Variants in IL1RAPL1 observed in about 807,000 individuals in gnomAD.
The protein encoded by IL1RAPL1 is interleukin-1 receptor accessory protein-like 1.
In IL1RAPL1, 3 loss-of-function variants were observed where a neutral mutation model predicts 48.4. That is an observed-to-expected ratio of 0.06 (90% CI 0.03 to 0.16). IL1RAPL1 has a LOEUF of 0.16. Among genes scored for constraint, IL1RAPL1 ranks in the 10% least tolerant of loss-of-function variants. The pLI is 1.00. For synonymous variants in IL1RAPL1, 185 were observed against 187.7 expected, an observed-to-expected ratio of 0.99 and a Z score of 0.12; for missense variants, 349 against 530.6, an observed-to-expected ratio of 0.66 and a Z score of 3.36.
At chrX:29,925,513 T>C (rs910470814) in intron 8 of IL1RAPL1, among the ~76,000 whole-genome samples, 5 of 96,864 alleles carry the variant, frequency 5.2e-5, no homozygotes, top group Non-Finnish European at 8.1e-5. Context: ...ATACTAATGA[T>C]TTTGTACCTC....
At chrX:29,389,349 C>T (rs1289094852) in intron 3 of IL1RAPL1, among the ~76,000 whole-genome samples, 3 of 72,526 alleles carry the variant, frequency 4.1e-5, no homozygotes, top group Non-Finnish European at 7.9e-5. Flanking sequence ...GAGCGAGACT[C>T]CATCTCAAAA....
At chrX:29,836,773 T>C (rs143742253) in intron 6 of IL1RAPL1, among the ~76,000 whole-genome samples, 346 of 111,302 alleles carry the variant, frequency 3.1e-3, no homozygotes, top group African/African-American at 0.011. Flanking sequence ...ATTGTTTAAG[T>C]TTTGCAATGA....
intron 6 of IL1RAPL1, among the ~76,000 whole-genome samples, chrX:29,836,815 G>A (rs151120611): frequency 0.02 from 2,226 of 110,640 alleles, 25 homozygotes; most frequent in Non-Finnish European, 0.034. Flanking sequence ...ATTACTCCCC[G>A]TCACCAGTGA....
rs757087278 is a variant in IL1RAPL1 at position 29,668,413 on chromosome X, T to C, written c.704-17T>C. 1 of 1,167,176 alleles carries C rather than the reference T, an allele frequency of 8.6e-7. No individual in the cohort carries two copies. The highest frequency in any genetic ancestry group is 1.2e-6 in the Non-Finnish European group (1 of 855,087). ...ATAACTATAAGTCTCTGTATTATTA[T>C]TGTTGTTGTTTTTCAGCCCCTCTGA... On this transcript the variant is annotated splice_polypyrimidine_tract_variant and intron_variant, in intron 5 of 10. Coordinates refer to ENST00000378993, the MANE Select transcript of IL1RAPL1 (RefSeq NM_014271.4).
intron 2 of IL1RAPL1, among the ~76,000 whole-genome samples, chrX:28,831,026 C>CTCTCTCTGTGTG (rs1438889606): frequency 3.0e-5 from 1 of 33,643 alleles, no homozygotes; most frequent in Non-Finnish European, 4.9e-5. Flanking sequence ...CTCTCTCTCT[C>CTCTCTCTGTGTG]TGTGTGTGTG....
intron 1 of IL1RAPL1, among the ~76,000 whole-genome samples, chrX:28,687,785 A>C (rs78245024): frequency 9.9e-6 from 1 of 101,429 alleles, no homozygotes; most frequent in Non-Finnish European, 2.0e-5. Context: ...CCGTCTCAGA[A>C]AAAAAAAAAA....
chrX:29,046,031 T>TCC (rs1926962524), intron 2 of IL1RAPL1, among the ~76,000 whole-genome samples: 5 of 91,973 alleles, frequency 5.4e-5, no homozygotes, highest in Non-Finnish European at 1.0e-4. Flanking sequence ...CTTCCTCTTC[T>TCC]TCTCCTCCTC....
At position 29,263,103 on chromosome X, in the gene IL1RAPL1, C is replaced by T. The variant is rs765044866; in HGVS notation, c.83-19835C>T. ...GTCCCTTCTTCTGTTATCAGTGGTC[C>T]CACAATATTTGTTTATATCACCATT... On this transcript the variant is annotated intron_variant, in intron 2 of 10. Transcript: ENST00000378993. Among the ~76,000 whole-genome samples the T allele has an allele frequency of 4.5e-5, 5 of 111,249 alleles. No individual in the cohort carries two copies. In the East Asian group the frequency reaches 1.4e-3, roughly 31 times the overall value.
intron 1 of IL1RAPL1, among the ~76,000 whole-genome samples, chrX:28,660,707 T>C (rs1934812004): frequency 9.0e-6 from 1 of 111,625 alleles, no homozygotes; most frequent in African/African-American, 3.3e-5. Context: ...TGATGAGTGA[T>C]CCTAACTATT....
chrX:29,565,284 T>C lies in IL1RAPL1; in HGVS notation c.704-103146T>C, dbSNP rs747733067. 7.0e-4 allele frequency among the ~76,000 whole-genome samples: 77 copies of C among 109,630 alleles called. 1 individual carries two copies. Among genetic ancestry groups the C allele is most frequent in the Non-Finnish European group, 6.8e-4 (36 of 52,700 alleles). ...TGGACAAGTGATTAGAAAATAATTATATTCATGGTTGCTCAAGATATAAAG... is the reference window on the plus strand; with the variant it reads ...TGGACAAGTGATTAGAAAATAATTACATTCATGGTTGCTCAAGATATAAAG... On this transcript the variant is annotated intron_variant, in intron 5 of 10. Coordinates refer to ENST00000378993, the MANE Select transcript of IL1RAPL1 (RefSeq NM_014271.4).
chrX:29,907,204 TTTTTCC>T (rs2147231166), intron 6 of IL1RAPL1, among the ~76,000 whole-genome samples: 1 of 111,348 alleles, frequency 9.0e-6, no homozygotes, highest in South Asian at 3.7e-4. Flanking sequence ...TTTAAAATTA[TTTTTCC>T]TTTTTAATTG....
chrX:29,377,566 C>A (rs921991530), intron 3 of IL1RAPL1, among the ~76,000 whole-genome samples: 3 of 112,077 alleles, frequency 2.7e-5, no homozygotes, highest in Non-Finnish European at 5.6e-5. Context: ...AAAACTAATT[C>A]CCTCAGCATT....
intron 2 of IL1RAPL1, among the ~76,000 whole-genome samples, chrX:29,080,726 T>C (rs1927783460): frequency 9.2e-6 from 1 of 108,882 alleles, no homozygotes; most frequent in Non-Finnish European, 1.9e-5. Context: ...CTCTAATTAT[T>C]ATTCTTCCAA....
intron 1 of IL1RAPL1, among the ~76,000 whole-genome samples, chrX:28,606,461 C>G (rs888596156): frequency 8.1e-5 from 9 of 111,732 alleles, no homozygotes; most frequent in African/African-American, 2.9e-4. Context: ...AATATCTTCT[C>G]TAGGTATACA....
At chrX:29,236,536 TTTTTTTTTC>T (rs1299138507) in intron 2 of IL1RAPL1, among the ~76,000 whole-genome samples, 5 of 45,490 alleles carry the variant, frequency 1.1e-4, no homozygotes, top group African/African-American at 5.8e-4. Flanking sequence ...TTTCTTTTTC[TTTTTTTTTC>T]TTTTTTTTTT....
At chrX:28,987,717 A>T (rs1373209464) in intron 2 of IL1RAPL1, among the ~76,000 whole-genome samples, 1 of 112,063 alleles carries the variant, frequency 8.9e-6, no homozygotes, top group African/African-American at 3.2e-5. Flanking sequence ...CAGAAATCTT[A>T]TGTAGGAGGA....
intron 5 of IL1RAPL1, among the ~76,000 whole-genome samples, chrX:29,653,710 C>A (rs1925585700): frequency 9.1e-6 from 1 of 110,339 alleles, no homozygotes; most frequent in Non-Finnish European, 1.9e-5. Context: ...AGTGTTGAAG[C>A]TACTTGAAAT....
chrX:29,000,117 A>G lies in IL1RAPL1; in HGVS notation c.82+210692A>G, dbSNP rs747148649. ...CCTGAAAACCTTGCCTTTATCAAAG[A>G]CAGAACATTTCCTGAATCTCCCGAT... On this transcript the variant is annotated intron_variant, in intron 2 of 10. Coordinates refer to ENST00000378993, the MANE Select transcript of IL1RAPL1 (RefSeq NM_014271.4). Among the ~76,000 whole-genome samples, 7 of 111,316 alleles carry G rather than the reference A, an allele frequency of 6.3e-5. No homozygotes were observed. The East Asian group carries it at 2.0e-3, about 32-fold the overall frequency.
chrX:29,021,711 ATTT>A (rs1926373477), intron 2 of IL1RAPL1, among the ~76,000 whole-genome samples: 1 of 111,545 alleles, frequency 9.0e-6, no homozygotes, highest in Non-Finnish European at 1.9e-5. Context: ...TTAATCTGCT[ATTT>A]ATTCACTGTC....
Sources: allele counts gnomAD v4.1 joint callset (sites outside exome capture counted in the v4.1 genomes callset), GRCh38; gene constraint gnomAD v4.1.1; transcripts MANE v1.5; gene names NCBI Gene and HGNC (gene_info 2026-07-23, HGNC 2026-07-21).